FKTN: variants seen among roughly 807,000 people sequenced by gnomAD.
FKTN encodes the protein ribitol-5-phosphate transferase FKTN.
In FKTN, 47 loss-of-function variants were observed where a neutral mutation model predicts 58.6. The ratio of observed to expected loss-of-function variants is 0.80; its 90% CI spans 0.63 to 1.02. The LOEUF (loss-of-function observed/expected upper bound fraction) is 1.02. Ranked by LOEUF, FKTN falls within the 50% of genes least tolerant of loss-of-function variation. FKTN has a pLI of 0.00. For synonymous variants in FKTN, 178 were observed against 191.9 expected (o/e 0.93, Z 0.60); for missense variants, 516 against 537.3 (o/e 0.96, Z 0.39).
intron 8 of FKTN, 135 bp downstream of exon 8, chr9:105,615,542 C>A: frequency 1.2e-6 from 1 of 807,018 alleles, no homozygotes; most frequent in Non-Finnish European, 2.2e-6. Flanking sequence ...TGAGTGCATG[C>A]AGCAAGGATC....
At chr9:105,597,258 C>A (rs3793639) in intron 4 of FKTN, among the ~76,000 whole-genome samples, 19,855 of 152,074 alleles carry the variant, frequency 0.13, 1,665 homozygotes, top group East Asian at 0.46. Context: ...CCAGATATTT[C>A]TTGATACACT....
At position 105,574,946 on chromosome 9, in the gene FKTN, A is replaced by G; in HGVS notation, c.-87A>G. On this transcript the variant is annotated splice_region_variant and 5_prime_UTR_variant, in exon 3 of 11. Coordinates refer to ENST00000357998, the MANE Select transcript of FKTN (RefSeq NM_001079802.2). ...TAAAAATATCTTTTTTGTTCACAGA[A>G]AACAAAATTATCTTCCTTTCCAAAT... 1.2e-6 allele frequency: 1 copy of G among 814,356 alleles called. No homozygotes were observed. Among genetic ancestry groups the G allele is most frequent in the South Asian group, 1.4e-5 (1 of 71,562 alleles). The allele number at this position is 814,356 out of a possible 1,614,324, so 50.4% of individuals were successfully genotyped here.
In FKTN at chr9:105,636,690, TATATC is replaced by T; in HGVS notation, c.*1427_*1431del. 2 of 1,281,100 alleles carry T rather than the reference TATATC, an allele frequency of 1.6e-6. No individual in the cohort carries two copies. The highest frequency in any genetic ancestry group is 2.2e-4 in the Middle Eastern group (1 of 4,584). The allele number at this position is 1,281,100 out of a possible 1,614,324, so 79.4% of individuals were successfully genotyped here. A position where few individuals can be genotyped will look rare whatever the true frequency, so the allele number is the denominator to read the frequency against. On this transcript the variant is annotated 3_prime_UTR_variant, in exon 11 of 11. Coordinates refer to ENST00000357998, the MANE Select transcript of FKTN (RefSeq NM_001079802.2). ...TTGTCTAGGAAAGGAAGCTGAATCT[TATATC>T]TTATCTATGCTATTTAGGACTACTT...
intron 10 of FKTN, among the ~76,000 whole-genome samples, chr9:105,630,819 A>C (rs1833332180): frequency 6.6e-6 from 1 of 152,062 alleles, no homozygotes. Context: ...AAGGAGAGAG[A>C]CCTCTTAGCA....
intron 10 of FKTN, among the ~76,000 whole-genome samples, chr9:105,626,150 G>A (rs1331789889): frequency 1.3e-5 from 2 of 152,156 alleles, no homozygotes; most frequent in African/African-American, 2.4e-5. Context: ...GGATATTTGG[G>A]TTGTTTTCAA....
chr9:105,596,651 A>G lies in FKTN; in HGVS notation c.159A>G (p.Thr53=), dbSNP rs1202120345. Residue 53 remains threonine (T), a synonymous_variant, in exon 4 of 11, where the codon ACA becomes ACG. Coordinates refer to ENST00000357998, the MANE Select transcript of FKTN (RefSeq NM_001079802.2). ...SKGSRIGFDS[T]QWRAVKKFIM... ...GAAGCCGAATTGGATTTGATAGCAC[A>G]CAGTGGGTATGTAGAATAAACAAGA... 3 of 1,604,022 alleles carry G rather than the reference A, an allele frequency of 1.9e-6. No homozygotes were observed. The highest frequency in any genetic ancestry group is 1.7e-5 in the Admixed American group (1 of 59,990).
intron 6 of FKTN, among the ~76,000 whole-genome samples, chr9:105,606,992 G>A (rs996527018): frequency 6.6e-6 from 1 of 151,334 alleles, no homozygotes; most frequent in Non-Finnish European, 1.5e-5. Context: ...TTCTTATTCT[G>A]TATTTCAAAT....
intron 4 of FKTN, chr9:105,598,170 G>T (rs1194765793): frequency 2.1e-6 from 1 of 466,730 alleles, no homozygotes; most frequent in Admixed American, 2.4e-5. Flanking sequence ...TTGAAGAGCA[G>T]CTTACCACAT....
At chr9:105,559,741 T>TA (rs1837924979) in intron 1 of FKTN, among the ~76,000 whole-genome samples, 1 of 151,420 alleles carries the variant, frequency 6.6e-6, no homozygotes, top group Admixed American at 6.6e-5. Flanking sequence ...GTGCAGGAAA[T>TA]AGAGTTGAAA....
rs1341271944 is a variant in FKTN, at chr9:105,639,262, A to G, written c.*3998A>G. 8.1e-6 allele frequency: 8 copies of G among 985,294 alleles called. No homozygotes were observed. Among genetic ancestry groups the G allele is most frequent in the Non-Finnish European group, 9.6e-6 (8 of 829,920 alleles). The allele number at this position is 985,294 out of a possible 1,614,324, so 61.0% of individuals were successfully genotyped here. On this transcript the variant is annotated 3_prime_UTR_variant, in exon 11 of 11. Transcript: ENST00000357998. ...GTTCCCTCTTTCCTCCTTGTCTTCC[A>G]CTATCATTAAGACCTGGGCTAGATC... is the stretch of plus-strand genomic sequence containing the variant.
chr9:105,577,476 T>C (rs1189580944), intron 3 of FKTN, among the ~76,000 whole-genome samples: 13 of 146,838 alleles, frequency 8.9e-5, no homozygotes, highest in Non-Finnish European at 3.0e-5. Context: ...ATCAGATAGT[T>C]GTAGGTATGC....
At position 105,637,309 on chromosome 9, in the gene FKTN, A is replaced by G. The variant is rs1474653339; in HGVS notation, c.*2045A>G. 4 of 985,326 alleles carry G rather than the reference A, an allele frequency of 4.1e-6. No homozygotes were observed. The allele number at this position is 985,326 out of a possible 1,614,324, so 61.0% of individuals were successfully genotyped here. A position where few individuals can be genotyped will look rare whatever the true frequency, so the allele number is the denominator to read the frequency against. Reference sequence around the variant, plus strand: ...AATCTTTTATCCTTTCCTGAAGTACAAAGTCTTAAGAGTGTCTGAAATCCA... The same window carrying G: ...AATCTTTTATCCTTTCCTGAAGTACGAAGTCTTAAGAGTGTCTGAAATCCA... On this transcript the variant is annotated 3_prime_UTR_variant, in exon 11 of 11. Transcript: ENST00000357998.
At chr9:105,614,329 C>G (rs1830438546) in intron 7 of FKTN, among the ~76,000 whole-genome samples, 1 of 152,132 alleles carries the variant, frequency 6.6e-6, no homozygotes, top group Non-Finnish European at 1.5e-5. Context: ...TAATAATTAT[C>G]TTTAAACTAC....
In FKTN at chr9:105,637,892, G is replaced by A. The variant is rs1834151574; in HGVS notation, c.*2628G>A. The A allele has an allele frequency of 1.0e-6, 1 of 985,148 alleles. No homozygotes were observed. Among genetic ancestry groups the A allele is most frequent in the African/African-American group, 1.7e-5 (1 of 57,170 alleles). The allele number at this position is 985,148 out of a possible 1,614,324, so 61.0% of individuals were successfully genotyped here. On this transcript the variant is annotated 3_prime_UTR_variant, in exon 11 of 11. Coordinates refer to ENST00000357998, the MANE Select transcript of FKTN (RefSeq NM_001079802.2). ...GAATAAAACCATAGTTCCTAAAATT[G>A]AGCATCCCTAAGAGTAGCTGCTTGG...
At chr9:105,586,032 G>A (rs1843833334) in intron 3 of FKTN, among the ~76,000 whole-genome samples, 1 of 152,140 alleles carries the variant, frequency 6.6e-6, no homozygotes. Context: ...GGACTGCAAA[G>A]CTTTCAGGCT....
intron 3 of FKTN, among the ~76,000 whole-genome samples, chr9:105,585,878 A>G (rs796424247): frequency 7.2e-5 from 11 of 152,336 alleles, no homozygotes; most frequent in African/African-American, 2.6e-4. Flanking sequence ...ATAAAAACCA[A>G]GATTCTAAGT....
At chr9:105,624,401 G>T (rs1316983196) in intron 10 of FKTN, 1 of 152,142 alleles carries the variant, frequency 6.6e-6, no homozygotes, top group Non-Finnish European at 1.5e-5. Context: ...GCCAAGGTGA[G>T]AGAACTGCTT....
chr9:105,596,494 A>G, intron 3 of FKTN, 104 bp from the exon 4 acceptor site: 1 of 750,536 alleles, frequency 1.3e-6, no homozygotes, highest in South Asian at 1.5e-5. Flanking sequence ...AATGCTTTTT[A>G]ATGATTATAA....
At chr9:105,630,166 G>A (rs150442123) in intron 10 of FKTN, among the ~76,000 whole-genome samples, 4 of 151,950 alleles carry the variant, frequency 2.6e-5, no homozygotes, top group African/African-American at 7.2e-5. Flanking sequence ...AAACTGGCAC[G>A]TTGTGCACAT....
Sources: gnomAD v4.1 joint callset for allele counts (sites outside exome capture counted in the v4.1 genomes callset) on GRCh38, gnomAD v4.1.1 for gene constraint, MANE v1.5 for transcripts, NCBI Gene and HGNC (gene_info 2026-07-23, HGNC 2026-07-21) for gene names.